The following GULP1 variants were observed in gnomAD, a reference collection of about 807,000 sequenced individuals.
GULP1 encodes the protein GULP PTB domain containing engulfment adaptor 1.
Under a neutral mutation model 40.9 loss-of-function variants are expected in GULP1, and 19 were observed. The ratio of observed to expected loss-of-function variants is 0.46; its 90% CI spans 0.32 to 0.68. The LOEUF (loss-of-function observed/expected upper bound fraction) is 0.68, where lower values mean the gene tolerates loss of function less well. GULP1 is among the 30% of genes least tolerant of loss of function. The probability of loss-of-function intolerance (pLI) is 0.03; values close to 1 mark genes in which losing one functional copy is unlikely to be tolerated. For missense variants in GULP1, 312 were observed against 362.2 expected (o/e 0.86, Z 1.12); for synonymous variants, 119 against 117.6 (o/e 1.01, Z -0.08).
At chr2:188,328,823 T>G (rs1188479724) in intron 1 of GULP1, among the ~76,000 whole-genome samples, 1 of 152,308 alleles carries the variant, frequency 6.6e-6, no homozygotes, top group South Asian at 2.1e-4. Flanking sequence ...TTACTTGGTT[T>G]ATTCATGATG....
chr2:188,582,333 C>G (rs1701490480), intron 9 of GULP1: 1 of 470,540 alleles, frequency 2.1e-6, no homozygotes, highest in African/African-American at 2.0e-5. Flanking sequence ...TCTGTCATTC[C>G]TTTACAGCTG....
At chr2:188,408,577 CT>C (rs1026801335) in intron 2 of GULP1, among the ~76,000 whole-genome samples, 42 of 152,188 alleles carry the variant, frequency 2.8e-4, no homozygotes, top group African/African-American at 9.6e-4. Flanking sequence ...TATTAGGGGA[CT>C]TTGATACCCC....
intron 7 of GULP1, among the ~76,000 whole-genome samples, chr2:188,561,721 C>T (rs1363133892): frequency 6.6e-6 from 1 of 152,158 alleles, no homozygotes; most frequent in Non-Finnish European, 1.5e-5. Context: ...CGCTGAGGCC[C>T]CAGCATTGCA....
intron 4 of GULP1, among the ~76,000 whole-genome samples, chr2:188,501,198 G>A (rs1284667779): frequency 2.6e-5 from 4 of 151,860 alleles, no homozygotes; most frequent in South Asian, 2.1e-4. Flanking sequence ...GGAGGGACCC[G>A]GTGGGAGGTG....
At chr2:188,504,822 TTTG>T (rs2153173123) in intron 4 of GULP1, among the ~76,000 whole-genome samples, 1 of 152,024 alleles carries the variant, frequency 6.6e-6, no homozygotes, top group South Asian at 2.1e-4. Context: ...TTTTTGTTTG[TTTG>T]TTATTTTACT....
At chr2:188,311,915 A>G (rs1186942305) in intron 1 of GULP1, among the ~76,000 whole-genome samples, 1 of 149,096 alleles carries the variant, frequency 6.7e-6, no homozygotes, top group Non-Finnish European at 1.5e-5. Context: ...ATACACATAT[A>G]CCTTGAATAC....
chr2:188,481,546 T>C (rs1002341275), intron 3 of GULP1, among the ~76,000 whole-genome samples: 1 of 151,982 alleles, frequency 6.6e-6, no homozygotes, highest in Non-Finnish European at 1.5e-5. Flanking sequence ...TATTTTAGTC[T>C]GTCAGCAGAA....
At chr2:188,299,458 A>AT in intron 1 of GULP1, among the ~76,000 whole-genome samples, 1 of 152,226 alleles carries the variant, frequency 6.6e-6, no homozygotes, top group Non-Finnish European at 1.5e-5. Context: ...ATTCAATGAG[A>AT]TTTTGTCTTT....
intron 1 of GULP1, among the ~76,000 whole-genome samples, chr2:188,372,984 C>T (rs2047805356): frequency 6.6e-6 from 1 of 151,856 alleles, no homozygotes; most frequent in Non-Finnish European, 1.5e-5. Context: ...AGAAAGATGT[C>T]CTTAGCTTGG....
chr2:188,592,921 G>T (rs1703858757), intron 11 of GULP1: 1 of 152,030 alleles, frequency 6.6e-6, no homozygotes, highest in African/African-American at 2.4e-5. Flanking sequence ...GGAATACACT[G>T]CTATCTGCAT....
intron 7 of GULP1, among the ~76,000 whole-genome samples, chr2:188,552,212 A>C (rs1693650404): frequency 6.6e-6 from 1 of 151,610 alleles, no homozygotes; most frequent in Non-Finnish European, 1.5e-5. Context: ...TGTTGCCAGT[A>C]CTTTTGAGAT....
At chr2:188,309,199 C>G (rs1196989573) in intron 1 of GULP1, among the ~76,000 whole-genome samples, 1 of 152,170 alleles carries the variant, frequency 6.6e-6, no homozygotes, top group African/African-American at 2.4e-5. Flanking sequence ...GGCTTGGTGG[C>G]TCACACCTGT....
rs1173529096 is a variant in GULP1, at chr2:188,428,268, A to AT, written c.-45+44383dup. Among the ~76,000 whole-genome samples, 3 of 152,072 alleles carry AT rather than the reference A, an allele frequency of 2.0e-5. No individual in the cohort carries two copies. In the East Asian group the frequency reaches 5.8e-4, roughly 29 times the overall value. On this transcript the variant is annotated intron_variant, in intron 2 of 11. Transcript: ENST00000409830. ...AGGGATTTATCTTGTCTTAGATGAGATTTTGACCTTGGATTTTTGACTTAA... is the reference window on the plus strand; with the variant it reads ...AGGGATTTATCTTGTCTTAGATGAGATTTTTGACCTTGGATTTTTGACTTAA...
intron 2 of GULP1, among the ~76,000 whole-genome samples, chr2:188,450,530 A>G (rs1277134694): frequency 2.0e-5 from 3 of 152,092 alleles, no homozygotes; most frequent in Non-Finnish European, 4.4e-5. Context: ...TCTAATCACT[A>G]TATAGATATA....
At chr2:188,520,389 A>G (rs1305832897) in intron 4 of GULP1, among the ~76,000 whole-genome samples, 2 of 151,928 alleles carry the variant, frequency 1.3e-5, no homozygotes, top group Non-Finnish European at 2.9e-5. Context: ...TACAAAAATT[A>G]CATGGGCGTG....
intron 4 of GULP1, among the ~76,000 whole-genome samples, chr2:188,503,599 A>G (rs1362632942): frequency 6.6e-6 from 1 of 151,892 alleles, no homozygotes; most frequent in Non-Finnish European, 1.5e-5. Flanking sequence ...GAACCAAACC[A>G]TATTAGTTAG....
At chr2:188,383,145 C>A in intron 1 of GULP1, among the ~76,000 whole-genome samples, 1 of 151,994 alleles carries the variant, frequency 6.6e-6, no homozygotes, top group East Asian at 1.9e-4. Flanking sequence ...GCGGTACATT[C>A]GAAATAATAT....
chr2:188,295,303 A>C (rs1440917865), intron 1 of GULP1, among the ~76,000 whole-genome samples: 2 of 152,200 alleles, frequency 1.3e-5, no homozygotes, highest in Non-Finnish European at 2.9e-5. Context: ...TTTTGGAGCC[A>C]TTCATTAATA....
intron 1 of GULP1, among the ~76,000 whole-genome samples, chr2:188,305,839 G>T (rs961378968): frequency 6.6e-6 from 1 of 152,208 alleles, no homozygotes; most frequent in East Asian, 1.9e-4. Context: ...GTGGAGTGGC[G>T]CAATCTTGGC....
Sources: allele counts gnomAD v4.1 joint callset (sites outside exome capture counted in the v4.1 genomes callset), GRCh38; gene constraint gnomAD v4.1.1; transcripts MANE v1.5; gene names NCBI Gene and HGNC (gene_info 2026-07-23, HGNC 2026-07-21).